EHBP1: variants seen among roughly 807,000 people sequenced by gnomAD.
EHBP1 encodes the protein EH domain-binding protein 1.
A neutral mutation model predicts 144.0 loss-of-function variants in EHBP1; 55 were observed. The ratio of observed to expected loss-of-function variants is 0.38; its 90% CI spans 0.31 to 0.48. The LOEUF (loss-of-function observed/expected upper bound fraction) is 0.48, where lower values mean the gene tolerates loss of function less well. Ranked by LOEUF, EHBP1 falls within the 20% of genes least tolerant of loss-of-function variation. The probability of loss-of-function intolerance (pLI) is 0.98; values close to 1 mark genes in which losing one functional copy is unlikely to be tolerated. For missense variants in EHBP1, 1,200 were observed against 1,364.2 expected (o/e 0.88, Z 1.90); for synonymous variants, 469 against 472.7 (o/e 0.99, Z 0.10).
chr2:62,807,040 C>T (rs1462090427), intron 5 of EHBP1, among the ~76,000 whole-genome samples: 2 of 152,142 alleles, frequency 1.3e-5, no homozygotes, highest in Non-Finnish European at 2.9e-5. Flanking sequence ...TTCTATCCTG[C>T]AAATACTGTG....
At chr2:62,975,929 CACACACAT>C (rs980614468) in intron 14 of EHBP1, among the ~76,000 whole-genome samples, 11 of 149,344 alleles carry the variant, frequency 7.4e-5, no homozygotes, top group African/African-American at 1.7e-4. Flanking sequence ...CACACACACA[CACACACAT>C]ATATAGTAGA....
At chr2:62,787,531 A>G (rs991232731) in intron 5 of EHBP1, among the ~76,000 whole-genome samples, 3 of 151,940 alleles carry the variant, frequency 2.0e-5, no homozygotes, top group Non-Finnish European at 2.9e-5. Context: ...ACTTGATGGC[A>G]CCCTTTGATT....
intron 10 of EHBP1, among the ~76,000 whole-genome samples, chr2:62,923,487 C>T (rs1405750909): frequency 1.3e-5 from 2 of 152,194 alleles, no homozygotes; most frequent in Non-Finnish European, 2.9e-5. Context: ...TGCCAATTGG[C>T]CCCATGCCCA....
intron 15 of EHBP1, chr2:62,988,166 T>A: frequency 1.7e-6 from 1 of 591,414 alleles, no homozygotes; most frequent in Non-Finnish European, 2.9e-6. Context: ...ATAAACCATT[T>A]AGCTTAGTCC....
At chr2:62,986,991 A>T (rs1431255435) in intron 15 of EHBP1, among the ~76,000 whole-genome samples, 1 of 152,188 alleles carries the variant, frequency 6.6e-6, no homozygotes. Context: ...CAATTGAAAA[A>T]AAATGAGTTG....
intron 21 of EHBP1, among the ~76,000 whole-genome samples, chr2:63,042,407 A>G (rs1389637159): frequency 6.6e-6 from 1 of 152,128 alleles, no homozygotes; most frequent in East Asian, 1.9e-4. Flanking sequence ...TTGCTAATGT[A>G]AAATCTATTC....
At chr2:62,849,474 A>T (rs2048528245) in intron 7 of EHBP1, among the ~76,000 whole-genome samples, 1 of 152,128 alleles carries the variant, frequency 6.6e-6, no homozygotes, top group Admixed American at 6.6e-5. Context: ...CAACCCACAG[A>T]ACTTTGAGAG....
At chr2:62,996,152 G>T (rs771156676) in intron 18 of EHBP1, among the ~76,000 whole-genome samples, 7 of 151,954 alleles carry the variant, frequency 4.6e-5, no homozygotes, top group Non-Finnish European at 1.0e-4. Flanking sequence ...GAAAAAAAAT[G>T]TATCTCTTTA....
At chr2:63,038,720 A>G in intron 20 of EHBP1, 23 bp from the exon 21 acceptor site, 1 of 1,608,584 alleles carries the variant, frequency 6.2e-7, no homozygotes, top group Non-Finnish European at 8.5e-7. Context: ...TAGCATATTG[A>G]TGAACTTTTG....
At chr2:63,017,931 A>G (rs2060549738) in intron 19 of EHBP1, among the ~76,000 whole-genome samples, 3 of 152,196 alleles carry the variant, frequency 2.0e-5, no homozygotes, top group African/African-American at 7.2e-5. Flanking sequence ...TGGGAGGCTT[A>G]GGCAGGAGGA....
At chr2:62,808,158 G>A (rs1199636373) in intron 5 of EHBP1, among the ~76,000 whole-genome samples, 1 of 148,796 alleles carries the variant, frequency 6.7e-6, no homozygotes, top group Admixed American at 6.7e-5. Flanking sequence ...GTGGTTTAAT[G>A]TCTGACATTA....
chr2:62,725,428 T>G (rs1031439253), intron 2 of EHBP1, among the ~76,000 whole-genome samples: 1 of 152,212 alleles, frequency 6.6e-6, no homozygotes, highest in African/African-American at 2.4e-5. Flanking sequence ...GGGGGCCCCC[T>G]GCTGGCAACT....
chr2:62,696,944 T>C (rs1446558544), intron 1 of EHBP1, among the ~76,000 whole-genome samples: 1 of 152,032 alleles, frequency 6.6e-6, no homozygotes, highest in African/African-American at 2.4e-5. Context: ...ACAGTGAAAA[T>C]AGGCCTTTGT....
intron 14 of EHBP1, among the ~76,000 whole-genome samples, chr2:62,961,174 G>A (rs1441314489): frequency 6.6e-6 from 1 of 152,192 alleles, no homozygotes; most frequent in Non-Finnish European, 1.5e-5. Flanking sequence ...GATATAAGCT[G>A]TAATTTCCCT....
At chr2:62,721,294 G>T (rs1055165653) in intron 2 of EHBP1, among the ~76,000 whole-genome samples, 1 of 152,120 alleles carries the variant, frequency 6.6e-6, no homozygotes, top group African/African-American at 2.4e-5. Context: ...TACCACAGAG[G>T]TAAAGTGCCT....
intron 2 of EHBP1, among the ~76,000 whole-genome samples, chr2:62,726,127 G>A (rs1208427838): frequency 3.3e-5 from 5 of 152,128 alleles, no homozygotes; most frequent in African/African-American, 1.2e-4. Flanking sequence ...CAAGCCTAGG[G>A]GGATGGGCAA....
chr2:63,000,884 C>T (rs1174519772), intron 19 of EHBP1, among the ~76,000 whole-genome samples: 4 of 151,884 alleles, frequency 2.6e-5, no homozygotes, highest in Admixed American at 2.0e-4. Context: ...GTTTCTAGTA[C>T]TTTAACTTTG....
At position 62,818,521 on chromosome 2, in the gene EHBP1, T is replaced by C. The variant is rs531731504; in HGVS notation, c.313-7566T>C. 6.6e-5 allele frequency among the ~76,000 whole-genome samples: 10 copies of C among 152,204 alleles called. No individual in the cohort carries two copies. The South Asian group carries it at 1.9e-3, about 29-fold the overall frequency. On this transcript the variant is annotated intron_variant, in intron 5 of 22. Coordinates refer to ENST00000431489, the MANE Select transcript of EHBP1 (RefSeq NM_001142616.3). The stretch of plus-strand genomic sequence containing the variant: ...CCTAGAGTTGTGAAAGTACACTCTT[T>C]GATGTTCACACAATGATGCATTTCT...
intron 19 of EHBP1, among the ~76,000 whole-genome samples, chr2:63,000,925 T>C (rs2059824997): frequency 6.6e-6 from 1 of 152,130 alleles, no homozygotes; most frequent in Non-Finnish European, 1.5e-5. Flanking sequence ...AGAGCAAAAC[T>C]TATTAGTTAG....
Sources: gnomAD v4.1 joint callset for allele counts (sites outside exome capture counted in the v4.1 genomes callset) on GRCh38, gnomAD v4.1.1 for gene constraint, MANE v1.5 for transcripts, NCBI Gene and HGNC (gene_info 2026-07-23, HGNC 2026-07-21) for gene names.